The following ETNK1 variants were observed in gnomAD, a reference collection of about 807,000 sequenced individuals.
ETNK1 encodes ethanolamine kinase 1.
Under a neutral mutation model 45.1 loss-of-function variants are expected in ETNK1, and 8 were observed. The observed-to-expected ratio is 0.18, with a 90% confidence interval of 0.10 to 0.32. ETNK1 has a LOEUF of 0.32. Among genes scored for constraint, ETNK1 ranks in the 10% least tolerant of loss-of-function variants. ETNK1 has a pLI of 1.00. For missense variants in ETNK1, 302 were observed against 430.6 expected, an observed-to-expected ratio of 0.70 and a Z score of 2.64; for synonymous variants, 152 against 151.9, an observed-to-expected ratio of 1.00 and a Z score of -0.01.
intron 4 of ETNK1, among the ~76,000 whole-genome samples, chr12:22,668,059 A>G (rs1435239720): frequency 1.3e-5 from 2 of 152,246 alleles, no homozygotes; most frequent in Admixed American, 1.3e-4. Flanking sequence ...AAAGATAAAT[A>G]AAATAACACA....
chr12:22,651,158 T>A (rs1953869775), intron 2 of ETNK1, among the ~76,000 whole-genome samples: 1 of 152,182 alleles, frequency 6.6e-6, no homozygotes, highest in Admixed American at 6.5e-5. Context: ...AGGCAGTGTT[T>A]GATTTGCAGA....
intron 2 of ETNK1, among the ~76,000 whole-genome samples, chr12:22,649,183 A>T (rs1213142627): frequency 1.3e-5 from 2 of 151,956 alleles, no homozygotes; most frequent in East Asian, 3.8e-4. Flanking sequence ...TATTCTCTTG[A>T]CAGTGTCTTT....
chr12:22,662,433 A>G (rs1333168456), intron 4 of ETNK1, among the ~76,000 whole-genome samples: 4 of 130,502 alleles, frequency 3.1e-5, no homozygotes, highest in Admixed American at 2.6e-4. Context: ...TCAGTATGTC[A>G]CCCAGGCCTG....
chr12:22,645,311 G>A (rs1953793538), intron 2 of ETNK1, among the ~76,000 whole-genome samples: 1 of 151,786 alleles, frequency 6.6e-6, no homozygotes, highest in African/African-American at 2.4e-5. Context: ...AGGGCCACAT[G>A]AGTTTCCTTG....
chr12:22,663,051 C>A (rs1332666028), intron 4 of ETNK1, among the ~76,000 whole-genome samples: 1 of 152,156 alleles, frequency 6.6e-6, no homozygotes, highest in African/African-American at 2.4e-5. Context: ...TTTGAATCAT[C>A]TTGAAATGCT....
rs531151771 is a variant in ETNK1 at position 22,673,429 on chromosome 12, T to C, written c.785-71T>C. ...ATTTTTTATGAAAAAATGGTGGTTT[T>C]AGGGATTATTAAGGTATGCAGAAGA... On this transcript the variant is annotated intron_variant, in intron 5 of 7. Coordinates refer to ENST00000266517, the MANE Select transcript of ETNK1 (RefSeq NM_018638.5). 1.7e-5 allele frequency: 21 copies of C among 1,213,546 alleles called. No individual in the cohort carries two copies. The African/African-American group carries it at 2.9e-4, about 17-fold the overall frequency. 75.2% of individuals were successfully genotyped at this position (1,213,546 alleles called of 1,614,324 possible).
chr12:22,669,436 T>TC (rs146897986), intron 4 of ETNK1, among the ~76,000 whole-genome samples: 2,907 of 152,210 alleles, frequency 0.019, 88 homozygotes, highest in African/African-American at 0.066. Flanking sequence ...TATTTTTTTT[T>TC]CTCTGTAGGC....
chr12:22,658,957 A>G lies in ETNK1; in HGVS notation c.417-57A>G, dbSNP rs1445675480. The G allele has an allele frequency of 3.9e-6, 6 of 1,532,306 alleles. No individual in the cohort carries two copies. The East Asian group carries it at 6.8e-5, about 17-fold the overall frequency. The allele number at this position is 1,532,306 out of a possible 1,614,324, so 94.9% of individuals were successfully genotyped here. A position where few individuals can be genotyped will look rare whatever the true frequency, so the allele number is the denominator to read the frequency against. ...AGTTTCATCAAGAATCTTTGTCAGG[A>G]GACATGACCTTTATGATACTTAAGT... On this transcript the variant is annotated intron_variant, in intron 2 of 7. Transcript: ENST00000266517.
intron 2 of ETNK1, among the ~76,000 whole-genome samples, chr12:22,645,042 C>T (rs1021223803): frequency 5.3e-5 from 8 of 151,780 alleles, no homozygotes; most frequent in South Asian, 4.1e-4. Flanking sequence ...AGTTTTTAGC[C>T]ATCACATATA....
intron 4 of ETNK1, among the ~76,000 whole-genome samples, chr12:22,667,295 C>G (rs74068266): frequency 6.6e-6 from 1 of 152,056 alleles, no homozygotes; most frequent in African/African-American, 2.4e-5. Flanking sequence ...TTGTCTTTTC[C>G]CCTCCCCCAG....
chr12:22,637,036 G>GCT (rs1280932607), intron 1 of ETNK1, among the ~76,000 whole-genome samples: 1 of 152,148 alleles, frequency 6.6e-6, no homozygotes, highest in Non-Finnish European at 1.5e-5. Context: ...CCTCTAGAGT[G>GCT]CTCTCTCCTG....
chr12:22,684,606 A>G, intron 7 of ETNK1, 50 bp downstream of exon 7: 2 of 1,220,694 alleles, frequency 1.6e-6, no homozygotes, highest in Non-Finnish European at 2.4e-6. Context: ...TTTTGTTTGG[A>G]TTAACATTAA....
At chr12:22,680,777 A>G (rs1341701262) in intron 6 of ETNK1, among the ~76,000 whole-genome samples, 2 of 151,956 alleles carry the variant, frequency 1.3e-5, no homozygotes, top group African/African-American at 4.8e-5. Context: ...TCTAAAGATT[A>G]TAACATTTCA....
intron 4 of ETNK1, among the ~76,000 whole-genome samples, chr12:22,665,878 T>C (rs1462167256): frequency 2.0e-5 from 3 of 152,106 alleles, no homozygotes; most frequent in Non-Finnish European, 4.4e-5. Flanking sequence ...AGATATGATG[T>C]GACAATTCAG....
intron 2 of ETNK1, among the ~76,000 whole-genome samples, chr12:22,647,337 G>A (rs1182728215): frequency 6.6e-6 from 1 of 151,888 alleles, no homozygotes; most frequent in Non-Finnish European, 1.5e-5. Context: ...CATACTGAGG[G>A]TACCGTAGTG....
At chr12:22,627,488 C>T (rs534203614) in intron 1 of ETNK1, among the ~76,000 whole-genome samples, 1 of 152,148 alleles carries the variant, frequency 6.6e-6, no homozygotes, top group Non-Finnish European at 1.5e-5. Context: ...CTAAAAGCAT[C>T]TGCTAAGCTG....
At chr12:22,657,546 A>G (rs991174651) in intron 2 of ETNK1, among the ~76,000 whole-genome samples, 8 of 151,918 alleles carry the variant, frequency 5.3e-5, no homozygotes, top group South Asian at 2.1e-4. Context: ...AGGACTATCC[A>G]TAATGATAAT....
chr12:22,671,472 C>T lies in ETNK1; in HGVS notation c.784+117C>T, dbSNP rs1298066950. ...GAACATTTTCCCACGTGTTGTTGAC[C>T]GTTTTTCTTTGCTTTTGTTTATCAC... On this transcript the variant is annotated intron_variant, in intron 5 of 7. Transcript: ENST00000266517. The T allele has an allele frequency of 1.2e-5, 9 of 724,110 alleles. 1 individual carries two copies. Among genetic ancestry groups the T allele is most frequent in the South Asian group, 3.4e-5 (2 of 58,070 alleles). 44.9% of individuals were successfully genotyped at this position (724,110 alleles called of 1,614,324 possible).
rs1440348093 is a variant in ETNK1, at chr12:22,656,771, T to A, written c.417-2243T>A. ...GTAAAACTATTAGAAATGATATTATTTTTCATTTATTTAAAAAAACCACAG... is the reference window on the plus strand; with the variant it reads ...GTAAAACTATTAGAAATGATATTATATTTCATTTATTTAAAAAAACCACAG... On this transcript the variant is annotated intron_variant, in intron 2 of 7. Transcript: ENST00000266517. The A allele has an allele frequency of 3.1e-6, 3 of 980,794 alleles. No homozygotes were observed. In the African/African-American group the frequency reaches 5.3e-5, roughly 17 times the overall value. 60.8% of individuals were successfully genotyped at this position (980,794 alleles called of 1,614,324 possible). A position where few individuals can be genotyped will look rare whatever the true frequency, so the allele number is the denominator to read the frequency against.
Sources: gnomAD v4.1 joint callset for allele counts (sites outside exome capture counted in the v4.1 genomes callset) on GRCh38, gnomAD v4.1.1 for gene constraint, MANE v1.5 for transcripts, NCBI Gene and HGNC (gene_info 2026-07-23, HGNC 2026-07-21) for gene names.